Variants in CAMK4 observed in about 807,000 individuals in gnomAD.
CAMK4 encodes the protein calcium/calmodulin dependent protein kinase IV.
A neutral mutation model predicts 44.9 loss-of-function variants in CAMK4; 22 were observed. The observed-to-expected ratio is 0.49, with a 90% CI of 0.35 to 0.70. The LOEUF is 0.70. CAMK4 is among the 30% of genes least tolerant of loss of function. The pLI, the probability that CAMK4 is intolerant of heterozygous loss-of-function variation, is 0.01. For synonymous variants in CAMK4, 218 were observed against 215.4 expected (o/e 1.01, Z -0.11); for missense variants, 498 against 586.8 (o/e 0.85, Z 1.56).
intron 1 of CAMK4, among the ~76,000 whole-genome samples, chr5:111,254,643 G>T (rs996505002): frequency 1.3e-5 from 2 of 152,150 alleles, no homozygotes; most frequent in African/African-American, 2.4e-5. Flanking sequence ...AAATCTTCCT[G>T]CACATCCCAT....
intron 5 of CAMK4, among the ~76,000 whole-genome samples, chr5:111,411,749 A>C (rs748251622): frequency 6.6e-6 from 1 of 152,218 alleles, no homozygotes; most frequent in African/African-American, 2.4e-5. Context: ...CAAACATTAG[A>C]CTTGCACTAA....
At position 111,484,210 on chromosome 5, in the gene CAMK4, G is replaced by T. The variant is rs754120828; in HGVS notation, c.1166G>T (p.Gly389Val). 3.7e-6 allele frequency: 6 copies of T among 1,614,128 alleles called. No individual in the cohort carries two copies. In the Admixed American group the frequency reaches 1.0e-4, roughly 27 times the overall value. ...GATGGGGCCCAAGCCGCAGTTAAGG[G>T]GGCACAGGCTGAGCTGATGAAGGTG... ...QGDGAQAAVK[G>V]AQAELMKVQA... The change falls in exon 11 of 11, where the codon GGG (glycine) becomes GTG (valine). Residue 389 changes from glycine to valine, a missense_variant. Coordinates refer to ENST00000282356, the MANE Select transcript of CAMK4 (RefSeq NM_001744.6). This position sits in a 1 kb window ranked among gnomAD's most constrained non-coding sequence, Gnocchi z 5.3.
intron 1 of CAMK4, among the ~76,000 whole-genome samples, chr5:111,296,818 T>A (rs1219479390): frequency 6.6e-6 from 1 of 152,224 alleles, no homozygotes; most frequent in East Asian, 1.9e-4. Context: ...CACTTCTGAT[T>A]CAGTAGCAGC....
chr5:111,333,027 T>C lies in CAMK4; in HGVS notation c.162-10997T>C, dbSNP rs1044134166. Among the ~76,000 whole-genome samples the C allele has an allele frequency of 2.0e-5, 3 of 151,680 alleles. No homozygotes were observed. The East Asian group carries it at 5.9e-4, about 30-fold the overall frequency. ...ATCAACATCATGTTCAGTGAAAAAA[T>C]GCAAATTGAGGACTGAGGTATATAG... is the stretch of plus-strand genomic sequence containing the variant. On this transcript the variant is annotated intron_variant, in intron 1 of 10. Transcript: ENST00000282356.
intron 1 of CAMK4, among the ~76,000 whole-genome samples, chr5:111,332,804 A>G (rs1264573206): frequency 6.6e-6 from 1 of 151,604 alleles, no homozygotes; most frequent in Non-Finnish European, 1.5e-5. Flanking sequence ...AGCAGGAAAA[A>G]TTGCAGGGCC....
At chr5:111,311,685 C>T (rs1282802920) in intron 1 of CAMK4, among the ~76,000 whole-genome samples, 2 of 152,086 alleles carry the variant, frequency 1.3e-5, no homozygotes, top group Admixed American at 1.3e-4. Context: ...TTTGCAAAGC[C>T]TTCATAAATT....
intron 5 of CAMK4, among the ~76,000 whole-genome samples, chr5:111,422,084 G>A (rs1317623216): frequency 6.6e-6 from 1 of 152,162 alleles, no homozygotes; most frequent in Non-Finnish European, 1.5e-5. Flanking sequence ...TTTATTAGGA[G>A]TGTGAGAACG....
At chr5:111,265,479 C>T (rs148156056) in intron 1 of CAMK4, among the ~76,000 whole-genome samples, 96 of 152,270 alleles carry the variant, frequency 6.3e-4, no homozygotes, top group African/African-American at 2.3e-3. Flanking sequence ...TTCTTTGGTT[C>T]TGTAACTGTA....
intron 1 of CAMK4, among the ~76,000 whole-genome samples, chr5:111,232,753 CTGA>C (rs1427961772): frequency 6.6e-6 from 1 of 151,522 alleles, no homozygotes; most frequent in East Asian, 1.9e-4. Context: ...TAAGAGAAAA[CTGA>C]TGATGTAAAT....
At chr5:111,301,586 T>C (rs1747720432) in intron 1 of CAMK4, among the ~76,000 whole-genome samples, 1 of 152,150 alleles carries the variant, frequency 6.6e-6, no homozygotes, top group African/African-American at 2.4e-5. Context: ...AGGTGAATTT[T>C]TCTTAATAAA....
chr5:111,421,393 C>G (rs1753027236), intron 5 of CAMK4, among the ~76,000 whole-genome samples: 1 of 152,150 alleles, frequency 6.6e-6, no homozygotes, highest in Admixed American at 6.5e-5. Flanking sequence ...CAGAATTTTT[C>G]AAAGGGAGCA....
chr5:111,463,827 A>C (rs1754727050), intron 7 of CAMK4, among the ~76,000 whole-genome samples: 1 of 152,180 alleles, frequency 6.6e-6, no homozygotes, highest in Non-Finnish European at 1.5e-5. Context: ...AGTGTGGGAC[A>C]AAAGAATCAG....
At chr5:111,369,102 G>A (rs1750907286) in intron 2 of CAMK4, among the ~76,000 whole-genome samples, 1 of 151,170 alleles carries the variant, frequency 6.6e-6, no homozygotes, top group Non-Finnish European at 1.5e-5. Flanking sequence ...GTCTCATTCT[G>A]TTGCCCAGGC....
At chr5:111,251,732 A>T (rs186664883) in intron 1 of CAMK4, among the ~76,000 whole-genome samples, 1 of 152,140 alleles carries the variant, frequency 6.6e-6, no homozygotes, top group Non-Finnish European at 1.5e-5. Context: ...ATTGAAATAC[A>T]TGAGAATGTG....
At chr5:111,272,093 C>CTG (rs376057166) in intron 1 of CAMK4, among the ~76,000 whole-genome samples, 2 of 151,116 alleles carry the variant, frequency 1.3e-5, no homozygotes, top group Non-Finnish European at 3.0e-5. Context: ...AGACAGCCCT[C>CTG]TGTGTGTGTG....
chr5:111,324,151 A>G (rs1748776885), intron 1 of CAMK4, among the ~76,000 whole-genome samples: 1 of 151,998 alleles, frequency 6.6e-6, no homozygotes, highest in Admixed American at 6.6e-5. Context: ...TCCAAATGAT[A>G]GCAGGAAAGT....
chr5:111,360,992 G>T (rs1328090995), intron 2 of CAMK4, among the ~76,000 whole-genome samples: 5 of 151,860 alleles, frequency 3.3e-5, no homozygotes, highest in African/African-American at 1.2e-4. Context: ...TACTTTTCTG[G>T]TCATGAATAA....
intron 2 of CAMK4, among the ~76,000 whole-genome samples, chr5:111,371,250 T>C (rs548972945): frequency 1.3e-5 from 2 of 152,260 alleles, no homozygotes; most frequent in East Asian, 3.9e-4. Flanking sequence ...TGGTGCACAC[T>C]CTAGCAAAAC....
At position 111,312,610 on chromosome 5, in the gene CAMK4, C is replaced by G. The variant is rs146799652; in HGVS notation, c.162-31414C>G. ...TTTCTTATGGAATATTCTGAAGTTT[C>G]TAGTGGCAGCCAGAAATTTCAAGAT... On this transcript the variant is annotated intron_variant, in intron 1 of 10. Transcript: ENST00000282356. Among the ~76,000 whole-genome samples, 645 of 152,200 alleles carry G rather than the reference C, an allele frequency of 4.2e-3. 1 individual carries two copies. Among genetic ancestry groups the G allele is most frequent in the African/African-American group, 0.015 (611 of 41,524 alleles).
Sources: gnomAD v4.1 joint callset for allele counts (sites outside exome capture counted in the v4.1 genomes callset) on GRCh38, gnomAD v4.1.1 for gene constraint, Gnocchi (gnomAD v3.1) non-coding constraint, MANE v1.5 for transcripts, NCBI Gene and HGNC (gene_info 2026-07-23, HGNC 2026-07-21) for gene names.